Variants in AK9 observed in about 807,000 individuals in gnomAD.
AK9 encodes the protein adenylate kinase 9.
Under a neutral mutation model 239.6 loss-of-function variants are expected in AK9, and 191 were observed. That is an observed-to-expected ratio of 0.80 (90% CI 0.71 to 0.90). AK9 has a LOEUF of 0.90. Ranked by LOEUF, AK9 falls within the 40% of genes least tolerant of loss-of-function variation. The pLI is 0.00. For synonymous variants in AK9, 689 were observed against 721.0 expected, an observed-to-expected ratio of 0.96 and a Z score of 0.71; for missense variants, 1,995 against 2,214.7, an observed-to-expected ratio of 0.90 and a Z score of 1.99.
chr6:109,651,565 G>C (rs1798950952), intron 8 of AK9, among the ~76,000 whole-genome samples: 1 of 152,080 alleles, frequency 6.6e-6, no homozygotes, highest in Admixed American at 6.6e-5. Flanking sequence ...AAATAACTAA[G>C]ATCAGAGCAG....
chr6:109,578,781 CTTGAT>C (rs1163159173), intron 20 of AK9, among the ~76,000 whole-genome samples: 1 of 152,088 alleles, frequency 6.6e-6, no homozygotes, highest in Non-Finnish European at 1.5e-5. Context: ...AAATTTCCTT[CTTGAT>C]TTAATTGTTG....
rs529531648 is a variant in AK9 at position 109,617,855 on chromosome 6, G to A, written c.1399+1237C>T. Among the ~76,000 whole-genome samples the A allele has an allele frequency of 3.2e-3, 492 of 151,454 alleles. 4 individuals are homozygous for A. The highest frequency in any genetic ancestry group is 6.0e-3 in the Non-Finnish European group (405 of 67,764). On this transcript the variant is annotated intron_variant, in intron 13 of 40. Transcript: ENST00000424296. ...TTTCTGTGCTCACTTGAGAGACACA[G>A]TAAAGAAGAGCACATTTATTTGAAT...
Position 109,493,233 on chromosome 6 carries a change from A to C in AK9, c.*136T>G. On this transcript the variant is annotated 3_prime_UTR_variant, in exon 41 of 41. Coordinates refer to ENST00000424296, the MANE Select transcript of AK9 (RefSeq NM_001145128.3). Reference sequence around the variant, plus strand: ...CTGGCAGACCTTTGAGTTCACCTGAAGTCTGGCAGCCATGGTACCTTGCTC... The same window carrying C: ...CTGGCAGACCTTTGAGTTCACCTGACGTCTGGCAGCCATGGTACCTTGCTC... The C allele has an allele frequency of 3.6e-6, 3 of 823,470 alleles. No homozygotes were observed. Among genetic ancestry groups the C allele is most frequent in the Non-Finnish European group, 5.7e-6 (3 of 523,856 alleles). The allele number at this position is 823,470 out of a possible 1,614,324, so 51.0% of individuals were successfully genotyped here.
At chr6:109,622,898 C>T (rs1307064232) in intron 12 of AK9, among the ~76,000 whole-genome samples, 5 of 152,004 alleles carry the variant, frequency 3.3e-5, no homozygotes, top group Admixed American at 1.3e-4. Flanking sequence ...ATTTCTATGC[C>T]TAATGGTTAT....
At chr6:109,679,710 G>T (rs1490647797) in intron 1 of AK9, among the ~76,000 whole-genome samples, 1 of 152,098 alleles carries the variant, frequency 6.6e-6, no homozygotes, top group Non-Finnish European at 1.5e-5. Context: ...GAGAGCTCCC[G>T]CTGGCATCTG....
intron 32 of AK9, among the ~76,000 whole-genome samples, chr6:109,512,040 G>C (rs560503355): frequency 1.3e-5 from 2 of 152,298 alleles, no homozygotes; most frequent in South Asian, 4.1e-4. Flanking sequence ...GGTAAATAAG[G>C]CTGAGACATA....
chr6:109,598,102 C>G (rs973374812), intron 17 of AK9, among the ~76,000 whole-genome samples: 1 of 151,978 alleles, frequency 6.6e-6, no homozygotes, highest in African/African-American at 2.4e-5. Context: ...ACTTTAAGTT[C>G]TAGGGTACAT....
intron 17 of AK9, among the ~76,000 whole-genome samples, chr6:109,599,452 G>C (rs1414709140): frequency 6.6e-6 from 1 of 152,214 alleles, no homozygotes; most frequent in Non-Finnish European, 1.5e-5. Flanking sequence ...TTGGGTACCA[G>C]CACCATGCTG....
intron 35 of AK9, among the ~76,000 whole-genome samples, chr6:109,504,860 A>G (rs1777958279): frequency 6.6e-6 from 1 of 152,202 alleles, no homozygotes; most frequent in Non-Finnish European, 1.5e-5. Flanking sequence ...TGGCAACTCT[A>G]CGCCTGAAAG....
intron 7 of AK9, 84 bp from the exon 8 acceptor site, chr6:109,656,968 A>G: frequency 6.7e-7 from 1 of 1,489,426 alleles, no homozygotes; most frequent in Non-Finnish European, 9.2e-7. Flanking sequence ...CCTTACACCT[A>G]GATATCATTT....
chr6:109,526,715 T>G (rs963356653), intron 29 of AK9, among the ~76,000 whole-genome samples: 1 of 152,190 alleles, frequency 6.6e-6, no homozygotes, highest in African/African-American at 2.4e-5. Context: ...TATGCTGTGG[T>G]GTGACTGACA....
At chr6:109,525,237 G>A (rs1780339112) in intron 29 of AK9, among the ~76,000 whole-genome samples, 1 of 152,098 alleles carries the variant, frequency 6.6e-6, no homozygotes, top group East Asian at 1.9e-4. Context: ...CCAGTACCAT[G>A]CTGTTTTGGT....
intron 12 of AK9, among the ~76,000 whole-genome samples, chr6:109,620,072 G>A (rs981938675): frequency 6.6e-6 from 1 of 151,986 alleles, no homozygotes; most frequent in African/African-American, 2.4e-5. Context: ...AGACATTTGG[G>A]TTGTGTTCTA....
intron 25 of AK9, chr6:109,549,841 T>C (rs1784135537): frequency 3.6e-6 from 1 of 275,972 alleles, no homozygotes; most frequent in Non-Finnish European, 6.9e-6. Context: ...AATTTTTGTA[T>C]TTTTAGTAGA....
intron 6 of AK9, 93 bp from the exon 7 acceptor site, chr6:109,659,506 C>A: frequency 2.1e-6 from 3 of 1,402,244 alleles, no homozygotes; most frequent in South Asian, 1.5e-5. Flanking sequence ...GTACATAAAC[C>A]AAAAAATTCC....
At position 109,642,229 on chromosome 6, in the gene AK9, T is replaced by C. The variant is rs538323424; in HGVS notation, c.835-613A>G. 3.3e-5 allele frequency among the ~76,000 whole-genome samples: 5 copies of C among 152,304 alleles called. No homozygotes were observed. In the South Asian group the frequency reaches 1.0e-3, roughly 32 times the overall value. On this transcript the variant is annotated intron_variant, in intron 9 of 40. Transcript: ENST00000424296. The stretch of plus-strand genomic sequence containing the variant: ...CTGTGAGAGAATAAATATCTGTCAT[T>C]TTAAGCTACCAGTTTGTGGCACTTT...
intron 19 of AK9, among the ~76,000 whole-genome samples, chr6:109,582,459 A>G (rs1002457644): frequency 3.9e-5 from 6 of 152,188 alleles, no homozygotes; most frequent in African/African-American, 1.4e-4. Context: ...TACTTTAATA[A>G]GTTCAGGACT....
chr6:109,514,803 G>T (rs1193965314), intron 31 of AK9, among the ~76,000 whole-genome samples: 1 of 152,112 alleles, frequency 6.6e-6, no homozygotes, highest in East Asian at 1.9e-4. Flanking sequence ...GTGATGTTAT[G>T]GATTGAATTG....
At chr6:109,494,989 C>A (rs1247340292) in intron 39 of AK9, among the ~76,000 whole-genome samples, 1 of 152,270 alleles carries the variant, frequency 6.6e-6, no homozygotes, top group Middle Eastern at 3.4e-3. Flanking sequence ...AGTGAATGAT[C>A]CTCTCACGGA....
Sources: allele counts gnomAD v4.1 joint callset (sites outside exome capture counted in the v4.1 genomes callset), GRCh38; gene constraint gnomAD v4.1.1; transcripts MANE v1.5; gene names NCBI Gene and HGNC (gene_info 2026-07-23, HGNC 2026-07-21).